Variants in LOXHD1 observed in about 807,000 individuals in gnomAD.
LOXHD1 encodes lipoxygenase homology PLAT domains 1.
In LOXHD1, 205 loss-of-function variants were observed where a neutral mutation model predicts 248.2. The observed-to-expected ratio is 0.83, with a 90% CI of 0.74 to 0.93. The LOEUF is 0.93. Among genes scored for constraint, LOXHD1 ranks in the 40% least tolerant of loss-of-function variants. The pLI is 0.00. For synonymous variants in LOXHD1, 1,113 were observed against 1,162.8 expected (o/e 0.96, Z 0.87); for missense variants, 2,930 against 2,971.6 (o/e 0.99, Z 0.33).
chr18:46,560,043 G>A (rs773889755), intron 19 of LOXHD1, 40 bp downstream of exon 19: 3 of 1,401,318 alleles, frequency 2.1e-6, no homozygotes, highest in South Asian at 1.3e-5. Context: ...GAACTGTCTG[G>A]CCACTCCCTC....
chr18:46,534,865 T>C (rs941110207), intron 26 of LOXHD1, among the ~76,000 whole-genome samples: 1 of 151,974 alleles, frequency 6.6e-6, no homozygotes, highest in African/African-American at 2.4e-5. Context: ...CCCCTAAGAG[T>C]CCCCCACCTT....
chr18:46,594,465 A>T lies in LOXHD1; in HGVS notation c.1136T>A (p.Val379Glu). The change falls in exon 9 of 41, where the codon GTG (valine) becomes GAG (glutamate). Residue 379 changes from valine to glutamate, a missense_variant and splice_region_variant. Transcript: ENST00000642948. ...ACCAGTGAAGGGGCACAGAATCACC[A>T]CCTGGGGAGAGTGGAGCACAGTGTC... is the stretch of plus-strand genomic sequence containing the variant. ...GVNRGWFCEK[V>E]VILCPFTGIQ... The T allele has an allele frequency of 6.4e-7, 1 of 1,551,102 alleles. No individual in the cohort carries two copies.
At chr18:46,622,087 C>A (rs2144336432) in intron 4 of LOXHD1, among the ~76,000 whole-genome samples, 1 of 152,328 alleles carries the variant, frequency 6.6e-6, no homozygotes, top group Non-Finnish European at 1.5e-5. Context: ...GGGCTCAAAG[C>A]AAGGTCTCTG....
At chr18:46,504,232 A>G (rs2034420669) in intron 37 of LOXHD1, among the ~76,000 whole-genome samples, 1 of 152,040 alleles carries the variant, frequency 6.6e-6, no homozygotes. Flanking sequence ...CAGCCTCCTC[A>G]GTAGCTGGGA....
intron 4 of LOXHD1, among the ~76,000 whole-genome samples, chr18:46,628,486 T>C (rs1342825390): frequency 6.6e-6 from 1 of 152,166 alleles, no homozygotes; most frequent in Non-Finnish European, 1.5e-5. Context: ...TGGAGAGTGC[T>C]CCGTGAAGGA....
intron 15 of LOXHD1, among the ~76,000 whole-genome samples, chr18:46,570,675 G>C (rs1166969492): frequency 6.6e-6 from 1 of 151,912 alleles, no homozygotes; most frequent in Non-Finnish European, 1.5e-5. Context: ...GGTTTCCCTG[G>C]GCCACACTGG....
rs1024061331 is a variant in LOXHD1 at position 46,508,990 on chromosome 18, T to C, written c.5517+708A>G. On this transcript the variant is annotated intron_variant, in intron 35 of 40. Coordinates refer to ENST00000642948, the MANE Select transcript of LOXHD1 (RefSeq NM_001384474.1). ...ACAGCTGGGGAAGGTGAGGAAGTGATGAGAGGTCCTGAGAAGGAGCAGCTG... is the reference window on the plus strand; with the variant it reads ...ACAGCTGGGGAAGGTGAGGAAGTGACGAGAGGTCCTGAGAAGGAGCAGCTG... Among the ~76,000 whole-genome samples the C allele has an allele frequency of 3.3e-5, 5 of 152,140 alleles. No individual in the cohort carries two copies. The East Asian group carries it at 9.7e-4, about 29-fold the overall frequency.
At position 46,524,697 on chromosome 18, in the gene LOXHD1, C is replaced by T; in HGVS notation, c.4740+11G>A. The T allele has an allele frequency of 1.3e-6, 2 of 1,551,726 alleles. No homozygotes were observed. The highest frequency in any genetic ancestry group is 8.7e-7 in the Non-Finnish European group (1 of 1,146,996). On this transcript the variant is annotated intron_variant, in intron 30 of 40. Coordinates refer to ENST00000642948, the MANE Select transcript of LOXHD1 (RefSeq NM_001384474.1). ...AGGATGGCCACAGGCCCTATATACC[C>T]CTTGGCTCACCTTCTCGTAAAAGAG...
intron 4 of LOXHD1, among the ~76,000 whole-genome samples, chr18:46,629,792 TAAAA>T (rs774591794): frequency 7.9e-6 from 1 of 126,722 alleles, no homozygotes; most frequent in Admixed American, 8.1e-5. Context: ...CACTGGGCAT[TAAAA>T]AAAAAAAAAA....
chr18:46,518,094 G>A lies in LOXHD1; in HGVS notation c.5399+35C>T, dbSNP rs1324942723. 1.1e-5 allele frequency: 17 copies of A among 1,550,210 alleles called. No individual in the cohort carries two copies. In the East Asian group the frequency reaches 3.7e-4, roughly 33 times the overall value. ...GGGGCAGAGGGGGAGAGTTGAATGT[G>A]GGAGGGGTGAGGGGCAGGGGCCGCC... is the stretch of plus-strand genomic sequence containing the variant. On this transcript the variant is annotated intron_variant, in intron 34 of 40. Coordinates refer to ENST00000642948, the MANE Select transcript of LOXHD1 (RefSeq NM_001384474.1).
Position 46,657,210 on chromosome 18 carries a change from C to T in LOXHD1, c.-177G>A, listed in dbSNP as rs1476175617. The T allele has an allele frequency of 5.2e-6, 5 of 964,230 alleles. No individual in the cohort carries two copies. The highest frequency in any genetic ancestry group is 7.5e-6 in the Non-Finnish European group (5 of 662,630). 59.7% of individuals were successfully genotyped at this position (964,230 alleles called of 1,614,324 possible). ...CCCCGTGCCCAAGGTGCTGTTCCCT[C>T]TGCCTTCTCTGGCTCCTGAGCTGAA... On this transcript the variant is annotated 5_prime_UTR_variant, in exon 1 of 41. Transcript: ENST00000642948.
At chr18:46,580,136 T>C (rs1162301410) in intron 12 of LOXHD1, among the ~76,000 whole-genome samples, 2 of 152,250 alleles carry the variant, frequency 1.3e-5, no homozygotes, top group Non-Finnish European at 2.9e-5. Flanking sequence ...TTCTCAACTC[T>C]GAATTTCCAG....
chr18:46,514,991 T>C lies in LOXHD1; in HGVS notation c.5399+3138A>G, dbSNP rs2035171620. On this transcript the variant is annotated intron_variant, in intron 34 of 40. Coordinates refer to ENST00000642948, the MANE Select transcript of LOXHD1 (RefSeq NM_001384474.1). Reference sequence around the variant, plus strand: ...GGCATCATATTTTCTGAATGCCATATTAATTCACCAGCATCTCATGGGAGT... The same window carrying C: ...GGCATCATATTTTCTGAATGCCATACTAATTCACCAGCATCTCATGGGAGT... Among the ~76,000 whole-genome samples the C allele has an allele frequency of 2.0e-5, 3 of 152,242 alleles. No individual in the cohort carries two copies. The South Asian group carries it at 6.2e-4, about 32-fold the overall frequency.
At chr18:46,586,581 G>A (rs2144193697) in intron 12 of LOXHD1, among the ~76,000 whole-genome samples, 1 of 151,884 alleles carries the variant, frequency 6.6e-6, no homozygotes, top group Non-Finnish European at 1.5e-5. Context: ...GAGTAACTGG[G>A]ATTACAGGTA....
intron 34 of LOXHD1, among the ~76,000 whole-genome samples, chr18:46,514,308 C>T (rs983520540): frequency 1.3e-5 from 2 of 152,066 alleles, no homozygotes; most frequent in Admixed American, 1.3e-4. Flanking sequence ...GACTCGGGTG[C>T]CCCTGGATGG....
At chr18:46,522,354 C>T (rs1369883763) in intron 31 of LOXHD1, 45 bp from the exon 32 acceptor site, 1 of 1,473,642 alleles carries the variant, frequency 6.8e-7, no homozygotes, top group Non-Finnish European at 9.3e-7. Flanking sequence ...ACCAGATAGA[C>T]AAGGCACTGC....
rs753009017 is a variant in LOXHD1, at chr18:46,618,242, C to T, written c.560G>A (p.Gly187Glu). The change falls in exon 5 of 41, where the codon GGG (glycine) becomes GAG (glutamate). Residue 187 changes from glycine to glutamate, a missense_variant. Coordinates refer to ENST00000642948, the MANE Select transcript of LOXHD1 (RefSeq NM_001384474.1). ...ATTGATGAAGACATCAGCATCTGTC[C>T]CTGCACCAATTACATCACCAGTGTA... Reference protein sequence around the residue: ...KVYTGDVIGAGTDADVFINIF... With the variant: ...KVYTGDVIGAETDADVFINIF... The T allele has an allele frequency of 1.3e-6, 2 of 1,551,478 alleles. No homozygotes were observed. The highest frequency in any genetic ancestry group is 8.7e-7 in the Non-Finnish European group (1 of 1,146,824).
intron 1 of LOXHD1, among the ~76,000 whole-genome samples, chr18:46,654,341 G>A (rs2039151689): frequency 6.6e-6 from 1 of 152,238 alleles, no homozygotes; most frequent in African/African-American, 2.4e-5. Flanking sequence ...AGCTGCCTTG[G>A]AAAATTGCAT....
At chr18:46,487,096 GCC>G (rs1288932347) in intron 38 of LOXHD1, among the ~76,000 whole-genome samples, 7 of 152,144 alleles carry the variant, frequency 4.6e-5, no homozygotes, top group Non-Finnish European at 1.0e-4. Context: ...CTCCCGTGGG[GCC>G]AGCACACCCA....
Sources: gnomAD v4.1 joint callset for allele counts (sites outside exome capture counted in the v4.1 genomes callset) on GRCh38, gnomAD v4.1.1 for gene constraint, MANE v1.5 for transcripts, NCBI Gene and HGNC (gene_info 2026-07-23, HGNC 2026-07-21) for gene names.